MCTP1: variants seen among roughly 807,000 people sequenced by gnomAD.
MCTP1 encodes the protein multiple C2 and transmembrane domain containing 1.
A neutral mutation model predicts 120.6 loss-of-function variants in MCTP1; 69 were observed. The observed-to-expected ratio is 0.57, with a 90% CI of 0.47 to 0.70. MCTP1 has a LOEUF of 0.70. Among genes scored for constraint, MCTP1 ranks in the 30% least tolerant of loss-of-function variants. The pLI is 0.00. For missense variants in MCTP1, 1,203 were observed against 1,248.8 expected, an observed-to-expected ratio of 0.96 and a Z score of 0.55; for synonymous variants, 529 against 493.1, an observed-to-expected ratio of 1.07 and a Z score of -0.96.
intron 1 of MCTP1, among the ~76,000 whole-genome samples, chr5:95,222,635 CAA>C (rs1267809488): frequency 1.3e-5 from 2 of 152,216 alleles, no homozygotes; most frequent in Non-Finnish European, 2.9e-5. Context: ...TCTGCTATCA[CAA>C]AATGTAAAAC....
chr5:95,030,667 T>C (rs1372430322), intron 1 of MCTP1, among the ~76,000 whole-genome samples: 1 of 152,150 alleles, frequency 6.6e-6, no homozygotes, highest in Non-Finnish European at 1.5e-5. Flanking sequence ...AAATGATATT[T>C]TTAAAAAAGT....
chr5:95,143,728 A>T (rs975059505), intron 1 of MCTP1, among the ~76,000 whole-genome samples: 1 of 152,168 alleles, frequency 6.6e-6, no homozygotes, highest in Non-Finnish European at 1.5e-5. Context: ...GCTGCAAAGG[A>T]CATGATCTTG....
chr5:94,740,679 C>T (rs1208534007), intron 19 of MCTP1, among the ~76,000 whole-genome samples: 1 of 152,140 alleles, frequency 6.6e-6, no homozygotes, highest in South Asian at 2.1e-4. Context: ...AGAAGCTCTG[C>T]TTCTGTTTAT....
intron 1 of MCTP1, among the ~76,000 whole-genome samples, chr5:95,105,599 C>T (rs766015825): frequency 6.6e-6 from 1 of 152,018 alleles, no homozygotes; most frequent in Non-Finnish European, 1.5e-5. Context: ...CATCTCTGTA[C>T]CATCTCTATA....
intron 1 of MCTP1, among the ~76,000 whole-genome samples, chr5:95,092,040 G>T (rs964683922): frequency 5.3e-5 from 8 of 152,052 alleles, no homozygotes; most frequent in Non-Finnish European, 8.8e-5. Context: ...TAAAGAAAGG[G>T]GTCTCTTATT....
At chr5:94,782,040 T>A (rs1776688814) in intron 18 of MCTP1, among the ~76,000 whole-genome samples, 1 of 152,064 alleles carries the variant, frequency 6.6e-6, no homozygotes, top group African/African-American at 2.4e-5. Flanking sequence ...ACCCCACTAT[T>A]ACATTTTGCT....
At chr5:94,859,223 C>G (rs1581069122) in intron 17 of MCTP1, among the ~76,000 whole-genome samples, 1 of 151,700 alleles carries the variant, frequency 6.6e-6, no homozygotes. Flanking sequence ...TCTTAAAATA[C>G]CAGCCTCTTG....
At chr5:94,837,519 G>A (rs953410636) in intron 17 of MCTP1, among the ~76,000 whole-genome samples, 1 of 152,218 alleles carries the variant, frequency 6.6e-6, no homozygotes, top group Non-Finnish European at 1.5e-5. Context: ...TCTGTAAAGT[G>A]AAGATAATAG....
intron 1 of MCTP1, among the ~76,000 whole-genome samples, chr5:95,200,273 T>C (rs111694951): frequency 6.6e-6 from 1 of 152,092 alleles, no homozygotes. Context: ...GCAGCCATTA[T>C]GAAAACCAGT....
intron 1 of MCTP1, among the ~76,000 whole-genome samples, chr5:95,276,862 G>A (rs1184579833): frequency 6.6e-6 from 1 of 151,992 alleles, no homozygotes; most frequent in Non-Finnish European, 1.5e-5. Flanking sequence ...TGAGGCAGGA[G>A]AATGGCGTGA....
At chr5:94,917,413 G>A (rs1455257341) in intron 8 of MCTP1, among the ~76,000 whole-genome samples, 2 of 152,298 alleles carry the variant, frequency 1.3e-5, no homozygotes, top group Admixed American at 1.3e-4. Flanking sequence ...TTAAAAGGAA[G>A]GAATAATCTT....
chr5:95,226,029 G>A (rs79219208), intron 1 of MCTP1, among the ~76,000 whole-genome samples: 13,153 of 152,070 alleles, frequency 0.086, 770 homozygotes, highest in Non-Finnish European at 0.12. Context: ...GGTGTTGGGG[G>A]AACAAGTGGT....
intron 2 of MCTP1, among the ~76,000 whole-genome samples, chr5:95,005,285 T>C (rs1409623383): frequency 6.6e-6 from 1 of 152,210 alleles, no homozygotes; most frequent in Non-Finnish European, 1.5e-5. Context: ...TACAGGCTCA[T>C]AGGCAGAAGG....
intron 19 of MCTP1, among the ~76,000 whole-genome samples, chr5:94,764,828 CA>C (rs57246943): frequency 0.27 from 24,854 of 90,976 alleles, 2,094 homozygotes; most frequent in South Asian, 0.37. Flanking sequence ...TGACCTGGAC[CA>C]AAAAAAAAAA....
chr5:95,163,371 T>C (rs1745962906), intron 1 of MCTP1, among the ~76,000 whole-genome samples: 1 of 152,222 alleles, frequency 6.6e-6, no homozygotes, highest in African/African-American at 2.4e-5. Flanking sequence ...AGTTGCCATG[T>C]ATTGATGTTT....
intron 1 of MCTP1, among the ~76,000 whole-genome samples, chr5:95,077,256 T>A (rs1753799421): frequency 6.6e-6 from 1 of 152,182 alleles, no homozygotes; most frequent in African/African-American, 2.4e-5. Context: ...TTCTTCTGCA[T>A]CTTGGTTATT....
chr5:95,198,525 G>A (rs567890743), intron 1 of MCTP1, among the ~76,000 whole-genome samples: 1 of 152,236 alleles, frequency 6.6e-6, no homozygotes, highest in African/African-American at 2.4e-5. Context: ...CATGTTTAAG[G>A]TAGACTAGGT....
At chr5:95,073,319 C>G (rs533238200) in intron 1 of MCTP1, among the ~76,000 whole-genome samples, 25 of 152,288 alleles carry the variant, frequency 1.6e-4, no homozygotes, top group African/African-American at 5.8e-4. Flanking sequence ...CTCATCCAGA[C>G]TCATGGCTCA....
chr5:95,061,431 T>G (rs1369143764), intron 1 of MCTP1, among the ~76,000 whole-genome samples: 724 of 63,496 alleles, frequency 0.011, 31 homozygotes, highest in African/African-American at 0.025. Context: ...TTTTTTTTTT[T>G]TTTTTTTTTT....
Sources: allele counts gnomAD v4.1 joint callset (sites outside exome capture counted in the v4.1 genomes callset), GRCh38; gene constraint gnomAD v4.1.1; transcripts MANE v1.5; gene names NCBI Gene and HGNC (gene_info 2026-07-23, HGNC 2026-07-21).